Variants in ABCC5 observed in about 807,000 individuals in gnomAD.
ABCC5 encodes the protein ATP binding cassette subfamily C member 5, also known as ATP-binding cassette sub-family C member 5.
A neutral mutation model predicts 160.9 loss-of-function variants in ABCC5; 61 were observed. The observed-to-expected ratio is 0.38, with a 90% CI of 0.31 to 0.47. The LOEUF (loss-of-function observed/expected upper bound fraction) is 0.47. ABCC5 is among the 20% of genes least tolerant of loss of function. The probability of loss-of-function intolerance (pLI) is 0.99; values close to 1 mark genes in which losing one functional copy is unlikely to be tolerated. For missense variants in ABCC5, 1,308 were observed against 1,813.3 expected, an observed-to-expected ratio of 0.72 and a Z score of 5.06; for synonymous variants, 666 against 700.6, an observed-to-expected ratio of 0.95 and a Z score of 0.78.
chr3:184,005,721 G>A (rs1326176713), intron 2 of ABCC5, among the ~76,000 whole-genome samples: 3 of 151,842 alleles, frequency 2.0e-5, no homozygotes, highest in African/African-American at 4.8e-5. Flanking sequence ...CATGGCACAC[G>A]TATACATATG....
At chr3:183,954,114 C>A (rs1030680633) in intron 17 of ABCC5, among the ~76,000 whole-genome samples, 1 of 151,962 alleles carries the variant, frequency 6.6e-6, no homozygotes, top group African/African-American at 2.4e-5. Flanking sequence ...TACTGAAAGA[C>A]TCCATGCAGG....
chr3:183,952,868 G>T (rs1277118980), intron 18 of ABCC5, among the ~76,000 whole-genome samples: 2 of 152,206 alleles, frequency 1.3e-5, no homozygotes, highest in Non-Finnish European at 2.9e-5. Context: ...ATAGCCTGCA[G>T]GTGTCCTACT....
At position 183,964,347 on chromosome 3, in the gene ABCC5, A is replaced by C. The variant is rs529012127; in HGVS notation, c.2032-759T>G. Among the ~76,000 whole-genome samples, 3 of 152,380 alleles carry C rather than the reference A, an allele frequency of 2.0e-5. No homozygotes were observed. The East Asian group carries it at 5.8e-4, about 29-fold the overall frequency. On this transcript the variant is annotated intron_variant, in intron 14 of 29. Coordinates refer to ENST00000334444, the MANE Select transcript of ABCC5 (RefSeq NM_005688.4). ...CTGCACATGTCACTGGCACATAATA[A>C]ACACCTAATAAATGTTACTAAATGA...
chr3:183,950,628 C>A (rs952990021), intron 20 of ABCC5, among the ~76,000 whole-genome samples: 1 of 152,198 alleles, frequency 6.6e-6, no homozygotes, highest in South Asian at 2.1e-4. Context: ...TATTTTCATG[C>A]AAATCCCAGA....
In ABCC5 at chr3:184,017,030, G is replaced by T. The variant is rs555873574; in HGVS notation, c.-56+800C>A. Among the ~76,000 whole-genome samples, 1 of 152,266 alleles carries T rather than the reference G, an allele frequency of 6.6e-6. No homozygotes were observed. The highest frequency in any genetic ancestry group is 2.1e-4 in the South Asian group (1 of 4,828). On this transcript the variant is annotated intron_variant, in intron 1 of 29. Coordinates refer to ENST00000334444, the MANE Select transcript of ABCC5 (RefSeq NM_005688.4). The surrounding 1 kb of genome is among the most constrained non-coding windows in gnomAD (Gnocchi z 4.5). ...CCACACCCACTGTAATCCACTTGTT[G>T]CGTCTCCAAGCAGCCTCACCTTTCA...
At chr3:184,014,783 T>A (rs367562749) in intron 1 of ABCC5, among the ~76,000 whole-genome samples, 5 of 152,236 alleles carry the variant, frequency 3.3e-5, no homozygotes, top group Admixed American at 1.3e-4. Context: ...GGTTTTTTTT[T>A]TAAAGACTTT....
Position 183,963,419 on chromosome 3 carries a change from G to A in ABCC5, c.2201C>T (p.Ser734Phe). ...FNSAIRKHLK[S>F]KTVLFVTHQL... ...GTGGGTAACAAACAGAACTGTCTTG[G>A]ACTTGAGATGTTTCCGGATAGCACT... is the stretch of plus-strand genomic sequence containing the variant. The change falls in exon 15 of 30, where the codon TCC (serine) becomes TTC (phenylalanine). Residue 734 changes from serine to phenylalanine, a missense_variant. Physicochemically the swap from Ser to Phe is radical, Grantham distance 155. Coordinates refer to ENST00000334444, the MANE Select transcript of ABCC5 (RefSeq NM_005688.4). The surrounding 1 kb of genome is among the most constrained non-coding windows in gnomAD (Gnocchi z 4.6). The A allele has an allele frequency of 6.2e-7, 1 of 1,614,214 alleles. No individual in the cohort carries two copies. The highest frequency in any genetic ancestry group is 8.5e-7 in the Non-Finnish European group (1 of 1,180,042).
rs368233394 is a variant in ABCC5 at position 183,942,829 on chromosome 3, C to T, written c.3592G>A (p.Ala1198Thr). The T allele has an allele frequency of 4.3e-6, 7 of 1,614,000 alleles. No individual in the cohort carries two copies. Among genetic ancestry groups the T allele is most frequent in the African/African-American group, 4.0e-5 (3 of 74,908 alleles). ...PQEGEVTFEN[A>T]EMRYRENLPL... ...AGGTTTTCTCGGTACCTCATCTCTG[C>T]GTTCTCAAAGGTCACCTCTCCCTCC... Residue 1198 changes from alanine (A) to threonine (T), a missense_variant, in exon 25 of 30, where the codon GCA (alanine) becomes ACA (threonine). Physicochemically the swap from Ala to Thr is moderately conservative, Grantham distance 58. Coordinates refer to ENST00000334444, the MANE Select transcript of ABCC5 (RefSeq NM_005688.4).
intron 17 of ABCC5, among the ~76,000 whole-genome samples, chr3:183,958,848 C>A (rs1391135533): frequency 6.6e-6 from 1 of 152,058 alleles, no homozygotes; most frequent in East Asian, 1.9e-4. Context: ...AATCTTCCCA[C>A]CTCAGCCTCC....
rs780163019 is a variant in ABCC5, at chr3:183,971,706, C to T, written c.1618G>A (p.Ala540Thr). 3.1e-6 allele frequency: 5 copies of T among 1,614,188 alleles called. No homozygotes were observed. Among genetic ancestry groups the T allele is most frequent in the South Asian group, 1.1e-5 (1 of 91,084 alleles). Residue 540 changes from alanine (A) to threonine (T), a missense_variant, in exon 11 of 30, where the codon GCG becomes ACG. Physicochemically the swap from Ala to Thr is moderately conservative, Grantham distance 58. Around this residue, in one of 3 missense-constraint regions of ABCC5, gnomAD observed 1,142 missense variants for 1,527.1 expected, o/e 0.75. Coordinates refer to ENST00000334444, the MANE Select transcript of ABCC5 (RefSeq NM_005688.4). The stretch of plus-strand genomic sequence containing the variant: ...TGGCCTTTCTGCTCTGCCAGCACCG[C>T]CTGATGCTCAGTGCGCTGCAGCTGC... ...VRQLQRTEHQ[A>T]VLAEQKGHLL...
chr3:184,007,706 A>G (rs1721345072), intron 2 of ABCC5, among the ~76,000 whole-genome samples: 1 of 152,144 alleles, frequency 6.6e-6, no homozygotes, highest in African/African-American at 2.4e-5. Flanking sequence ...ATGTGCCTGT[A>G]ATCCCAGCTA....
intron 26 of ABCC5, among the ~76,000 whole-genome samples, chr3:183,937,389 C>T (rs1021881711): frequency 4.6e-5 from 7 of 151,916 alleles, no homozygotes; most frequent in East Asian, 1.9e-4. Context: ...ACAAACAGAA[C>T]AAAAAAACTG....
At chr3:183,930,759 C>T (rs1713097638) in intron 26 of ABCC5, among the ~76,000 whole-genome samples, 2 of 152,316 alleles carry the variant, frequency 1.3e-5, no homozygotes, top group South Asian at 4.1e-4. Flanking sequence ...GGCAGCATGG[C>T]CCAAATGACA....
Position 183,988,723 on chromosome 3 carries a change from G to A in ABCC5, c.292C>T (p.Gln98Ter). The A allele has an allele frequency of 6.2e-7, 1 of 1,612,034 alleles. No individual in the cohort carries two copies. The highest frequency in any genetic ancestry group is 8.5e-7 in the Non-Finnish European group (1 of 1,179,474). Residue 98 changes from glutamine to a stop codon, truncating the protein, a stop_gained, in exon 4 of 30, where the codon CAG becomes TAG. Transcript: ENST00000334444. LOFTEE classifies it high-confidence loss of function. The surrounding 1 kb of genome is among the most constrained non-coding windows in gnomAD (Gnocchi z 4.4). ...AGCCCAGCATTGTCCACTGGGTGCTGGTGTCTAAGGAGAGAAAACCGAAAT... is the reference window on the plus strand; with the variant it reads ...AGCCCAGCATTGTCCACTGGGTGCTAGTGTCTAAGGAGAGAAAACCGAAAT... ...LKPIRTTSKH[Q>*]HPVDNAGLFS... is the part of the protein sequence containing the mutation.
intron 25 of ABCC5, among the ~76,000 whole-genome samples, chr3:183,938,270 G>A (rs1267896516): frequency 6.6e-6 from 1 of 152,082 alleles, no homozygotes; most frequent in Non-Finnish European, 1.5e-5. Flanking sequence ...CACAGCTTCA[G>A]CCTGAGAAGG....
chr3:183,955,423 G>A (rs746501118), intron 17 of ABCC5, among the ~76,000 whole-genome samples: 15 of 152,170 alleles, frequency 9.9e-5, no homozygotes, highest in South Asian at 2.1e-4. Context: ...AATAAGGCAC[G>A]TCCAACATTG....
chr3:183,988,050 T>G lies in ABCC5; in HGVS notation c.444-133A>C. ...AGTCTCTCCTTTAAAATTATGTACA[T>G]AGTCTTCACCTTCTGGGAAAAAATA... On this transcript the variant is annotated intron_variant, in intron 4 of 29. Transcript: ENST00000334444. The surrounding 1 kb of genome is among the most constrained non-coding windows in gnomAD (Gnocchi z 4.4). 2.0e-4 allele frequency: 178 copies of G among 887,364 alleles called. No individual in the cohort carries two copies. The highest frequency in any genetic ancestry group is 2.8e-4 in the Non-Finnish European group (159 of 577,820). The allele number at this position is 887,364 out of a possible 1,614,324, so 55.0% of individuals were successfully genotyped here.
intron 26 of ABCC5, among the ~76,000 whole-genome samples, chr3:183,936,218 C>T (rs886606762): frequency 3.9e-5 from 6 of 152,268 alleles, no homozygotes; most frequent in African/African-American, 1.4e-4. Context: ...CAGAACAAGA[C>T]AACCATCTGC....
At chr3:184,012,756 G>A (rs1424989774) in intron 2 of ABCC5, among the ~76,000 whole-genome samples, 2 of 152,294 alleles carry the variant, frequency 1.3e-5, no homozygotes, top group East Asian at 1.9e-4. Context: ...CTGGCACCAC[G>A]AGAAGCATTT....
Sources: allele counts gnomAD v4.1 joint callset (sites outside exome capture counted in the v4.1 genomes callset), GRCh38; gene constraint gnomAD v4.1.1; regional missense constraint gnomAD v4.1.1; non-coding constraint Gnocchi (gnomAD v3.1); transcripts MANE v1.5; gene names NCBI Gene and HGNC (gene_info 2026-07-23, HGNC 2026-07-21).